The following XPA variants were observed in gnomAD, a reference collection of about 807,000 sequenced individuals.
XPA encodes the protein XPA, DNA damage recognition and repair factor, also known as DNA repair protein complementing XP-A cells.
XPA carries 27 observed loss-of-function variants against 35.7 expected under a neutral mutation model. The observed-to-expected ratio is 0.76, with a 90% CI of 0.56 to 1.04. The LOEUF is 1.04. XPA is among the 50% of genes least tolerant of loss of function. The pLI, the probability that XPA is intolerant of heterozygous loss-of-function variation, is 0.00. For missense variants in XPA, 354 were observed against 342.7 expected (o/e 1.03, Z -0.26); for synonymous variants, 133 against 118.4 (o/e 1.12, Z -0.80).
At chr9:97,680,824 CT>C (rs1339189832) in intron 5 of XPA, among the ~76,000 whole-genome samples, 8 of 152,146 alleles carry the variant, frequency 5.3e-5, no homozygotes, top group Non-Finnish European at 1.0e-4. Flanking sequence ...CTGAAATCGA[CT>C]TTCGGGGAGC....
downstream of XPA, among the ~76,000 whole-genome samples, chr9:97,670,890 C>T (rs1828169911): frequency 6.6e-6 from 1 of 152,132 alleles, no homozygotes; most frequent in Non-Finnish European, 1.5e-5. Flanking sequence ...AGCTATTGAG[C>T]ATCCATTTTT....
chr9:97,657,028 G>T, the XPA span, among the ~76,000 whole-genome samples: 1 of 152,148 alleles, frequency 6.6e-6, no homozygotes, highest in Non-Finnish European at 1.5e-5. Flanking sequence ...GAGTGCAGTG[G>T]CACGATCTCG....
chr9:97,677,752 C>CTTTTT lies in XPA; in HGVS notation c.674-2170_674-2166dup, dbSNP rs58412433. Among the ~76,000 whole-genome samples, 213 of 147,954 alleles carry CTTTTT rather than the reference C, an allele frequency of 1.4e-3. 1 individual carries two copies. The highest frequency in any genetic ancestry group is 5.0e-3 in the African/African-American group (202 of 40,470). ...TAAAAATGGATAGGTTTGGGTTTTT[C>CTTTTT]TTTTTTTTTTACCCTTCTTTCCCTT... is the stretch of plus-strand genomic sequence containing the variant. On this transcript the variant is annotated intron_variant, in intron 5 of 5. Transcript: ENST00000375128.
Position 97,685,092 on chromosome 9 carries a change from A to T in XPA, c.556-52T>A, listed in dbSNP as rs760067892. 19 of 1,480,414 alleles carry T rather than the reference A, an allele frequency of 1.3e-5. No individual in the cohort carries two copies. The African/African-American group carries it at 2.5e-4, about 19-fold the overall frequency. 91.7% of individuals were successfully genotyped at this position (1,480,414 alleles called of 1,614,324 possible). A position where few individuals can be genotyped will look rare whatever the true frequency, so the allele number is the denominator to read the frequency against. ...AAGTTGTGATTCAGACTTGCGAAAT[A>T]TTATAGTTATAACTGTCAAATCCAA... On this transcript the variant is annotated intron_variant, in intron 4 of 5. Coordinates refer to ENST00000375128, the MANE Select transcript of XPA (RefSeq NM_000380.4).
downstream of XPA, among the ~76,000 whole-genome samples, chr9:97,674,539 C>CA (rs1359583592): frequency 3.9e-5 from 6 of 152,124 alleles, no homozygotes; most frequent in African/African-American, 1.2e-4. Flanking sequence ...TTGTTTTTGT[C>CA]AAAAAATAAT....
intron 4 of XPA, 139 bp from the exon 5 acceptor site, chr9:97,685,179 A>G: frequency 1.6e-6 from 1 of 639,350 alleles, no homozygotes; most frequent in Non-Finnish European, 2.6e-6. Flanking sequence ...AAATTTAAAG[A>G]TTTTAAATAT....
At chr9:97,674,797 C>CAGAT (rs1327157182), downstream of XPA, 15 of 383,270 alleles carry the variant, frequency 3.9e-5, no homozygotes, top group African/African-American at 3.1e-4. Flanking sequence ...GATCAACAAT[C>CAGAT]AGATAGTCAA....
At chr9:97,683,880 T>TC (rs1335199560) in intron 5 of XPA, among the ~76,000 whole-genome samples, 1 of 152,162 alleles carries the variant, frequency 6.6e-6, no homozygotes, top group Non-Finnish European at 1.5e-5. Context: ...CACTTATGAA[T>TC]CCTAAAAACA....
At chr9:97,689,685 A>G (rs1366180419) in intron 2 of XPA, 46 bp from the exon 3 acceptor site, 1 of 1,134,824 alleles carries the variant, frequency 8.8e-7, no homozygotes, top group South Asian at 1.3e-5. Context: ...TATGACTAGA[A>G]CAATATATTT....
chr9:97,696,907 C>T (rs570608062), intron 1 of XPA, among the ~76,000 whole-genome samples: 4 of 152,288 alleles, frequency 2.6e-5, no homozygotes, highest in Admixed American at 2.6e-4. Context: ...TCAGGAGGCC[C>T]GCGTGCGACA....
chr9:97,683,378 C>T (rs564059395), intron 5 of XPA, among the ~76,000 whole-genome samples: 1 of 152,300 alleles, frequency 6.6e-6, no homozygotes, highest in South Asian at 2.1e-4. Context: ...CCTCTCAATA[C>T]AGCAGTGGCT....
chr9:97,687,240 CT>C lies in XPA; in HGVS notation c.410del (p.Lys137SerfsTer3). Reference protein sequence around the residue: ...DNCRDADDKHKLITKTEAKQE... With the variant: ...DNCRDADDKHXLITKTEAKQE... ...GTTTTGCCTCTGTTTTGGTTATAAG[CT>C]TGTGTTTATCATCAGCATCTCTGAA... On this transcript the variant is annotated frameshift_variant, in exon 4 of 6. Coordinates refer to ENST00000375128, the MANE Select transcript of XPA (RefSeq NM_000380.4). LOFTEE classifies it high-confidence loss of function. 6.2e-7 allele frequency: 1 copy of C among 1,607,146 alleles called. No homozygotes were observed. The highest frequency in any genetic ancestry group is 8.5e-7 in the Non-Finnish European group (1 of 1,176,898).
intron 5 of XPA, among the ~76,000 whole-genome samples, chr9:97,680,005 G>A (rs1411079729): frequency 6.6e-6 from 1 of 151,970 alleles, no homozygotes; most frequent in African/African-American, 2.4e-5. Flanking sequence ...TGTCAATGTC[G>A]TGAAAGACAA....
Position 97,687,076 on chromosome 9 carries a change from A to T in XPA, c.555+20T>A, listed in dbSNP as rs373898106. On this transcript the variant is annotated intron_variant, in intron 4 of 5. Transcript: ENST00000375128. ...AGAATTTACCAGAGTGAAAAATAAT[A>T]AATACAACTTATTAGAGACCTGTAA... 26 of 1,596,642 alleles carry T rather than the reference A, an allele frequency of 1.6e-5. No homozygotes were observed. Among genetic ancestry groups the T allele is most frequent in the Non-Finnish European group, 2.1e-5 (25 of 1,173,844 alleles).
intron 5 of XPA, among the ~76,000 whole-genome samples, chr9:97,679,172 C>T (rs1828461246): frequency 6.6e-6 from 1 of 151,996 alleles, no homozygotes; most frequent in African/African-American, 2.4e-5. Context: ...CAAAATATAT[C>T]CCTATTAGGA....
At chr9:97,671,976 T>C (rs951279336), downstream of XPA, 4 of 152,198 alleles carry the variant, frequency 2.6e-5, no homozygotes, top group Admixed American at 6.5e-5. Flanking sequence ...GGGTTATTTG[T>C]CCAAGGTCTT....
chr9:97,671,012 G>A, downstream of XPA: 3 of 972,424 alleles, frequency 3.1e-6, no homozygotes, highest in Non-Finnish European at 4.8e-6. Flanking sequence ...TGGGTGGGCT[G>A]CTGAAGGAAA....
chr9:97,654,846 G>A, the XPA span: 1 of 1,590,296 alleles, frequency 6.3e-7, no homozygotes, highest in South Asian at 1.1e-5. Flanking sequence ...TGGGATAAAA[G>A]TGGAGAATAG....
chr9:97,662,010 A>AT, the XPA span: 1 of 1,529,208 alleles, frequency 6.5e-7, no homozygotes, highest in Non-Finnish European at 9.1e-7. Flanking sequence ...CTGTGCTTAC[A>AT]TTTTTCTGTT....
Sources: allele counts gnomAD v4.1 joint callset (sites outside exome capture counted in the v4.1 genomes callset), GRCh38; gene constraint gnomAD v4.1.1; transcripts MANE v1.5; gene names NCBI Gene and HGNC (gene_info 2026-07-23, HGNC 2026-07-21).